Variants in ZC3H15 observed in about 807,000 individuals in gnomAD.
The protein encoded by ZC3H15 is zinc finger CCCH-type containing 15.
Under a neutral mutation model 51.2 loss-of-function variants are expected in ZC3H15, and 15 were observed. The observed-to-expected ratio is 0.29, with a 90% CI of 0.20 to 0.45. The LOEUF is 0.45. Among genes scored for constraint, ZC3H15 ranks in the 20% least tolerant of loss-of-function variants. The pLI, the probability that ZC3H15 is intolerant of heterozygous loss-of-function variation, is 1.00. For synonymous variants in ZC3H15, 144 were observed against 162.8 expected, an observed-to-expected ratio of 0.88 and a Z score of 0.88; for missense variants, 381 against 494.7, an observed-to-expected ratio of 0.77 and a Z score of 2.18.
intron 1 of ZC3H15, chr2:186,488,645 G>C (rs1685145245): frequency 6.6e-6 from 1 of 152,242 alleles, no homozygotes; most frequent in African/African-American, 2.4e-5. Context: ...TTCCAAAATG[G>C]GTTAGAGGCG....
At chr2:186,508,004 TTC>T (rs1491503297) in intron 9 of ZC3H15, among the ~76,000 whole-genome samples, 2 of 152,238 alleles carry the variant, frequency 1.3e-5, no homozygotes, top group Non-Finnish European at 1.5e-5. Flanking sequence ...AGCATTTTTT[TTC>T]TCTCAGTTAT....
chr2:186,495,878 T>TA (rs1391996476), intron 2 of ZC3H15, among the ~76,000 whole-genome samples: 1 of 152,260 alleles, frequency 6.6e-6, no homozygotes, highest in Non-Finnish European at 1.5e-5. Flanking sequence ...ATCTTATTGT[T>TA]ACATTGTTTC....
Position 186,504,134 on chromosome 2 carries a change from C to T in ZC3H15, c.637C>T (p.Pro213Ser). The T allele has an allele frequency of 6.2e-7, 1 of 1,609,884 alleles. No homozygotes were observed. Among genetic ancestry groups the T allele is most frequent in the South Asian group, 1.1e-5 (1 of 90,336 alleles). The change falls in exon 6 of 10, where the codon CCT (proline) becomes TCT (serine). Residue 213 changes from proline to serine, a missense_variant. By Grantham distance (74) the Pro-to-Ser change is moderately conservative. This residue lies in a region of ZC3H15 where 41 missense variants were observed against 86.5 expected (regional missense o/e 0.47). Coordinates refer to ENST00000337859, the MANE Select transcript of ZC3H15 (RefSeq NM_018471.3). ...TTGCATGTATCGTCATGCACTTCCT[C>T]CTGGATTTGTGTTGAAAAAAGATAA... ...DICMYRHALP[P>S]GFVLKKDKKK...
chr2:186,502,708 A>G, intron 5 of ZC3H15, 121 bp downstream of exon 5: 1 of 798,648 alleles, frequency 1.3e-6, no homozygotes, highest in Non-Finnish European at 1.9e-6. Context: ...ATTTGATTTC[A>G]TCAAGATAAG....
chr2:186,497,438 C>T (rs939998443), intron 2 of ZC3H15, among the ~76,000 whole-genome samples: 1 of 152,126 alleles, frequency 6.6e-6, no homozygotes, highest in East Asian at 1.9e-4. Context: ...AATCCCAGCA[C>T]TTTGGGAGGC....
At position 186,500,192 on chromosome 2, in the gene ZC3H15, G is replaced by A; in HGVS notation, c.188G>A (p.Ser63Asn). 3 of 1,612,918 alleles carry A rather than the reference G, an allele frequency of 1.9e-6. No individual in the cohort carries two copies. The highest frequency in any genetic ancestry group is 1.7e-6 in the Non-Finnish European group (2 of 1,179,620). The change falls in exon 3 of 10, where the codon AGT becomes AAT. Residue 63 changes from serine to asparagine, a missense_variant. This residue lies in a region of ZC3H15 where 125 missense variants were observed against 166.3 expected (regional missense o/e 0.75). Coordinates refer to ENST00000337859, the MANE Select transcript of ZC3H15 (RefSeq NM_018471.3). The part of the protein sequence containing the change: ...GQQNPRQVAQ[S>N]EAEKKLKKDD... ...CTGGGAATATTATAGGTAGCACAGA[G>A]TGAAGCTGAAAAGAAATTGAAGAAG...
At chr2:186,499,550 T>C in intron 2 of ZC3H15, 1 of 455,842 alleles carries the variant, frequency 2.2e-6, no homozygotes, top group South Asian at 1.6e-5. Flanking sequence ...TCTGTCATCC[T>C]GCTAGATTCT....
chr2:186,501,954 C>T (rs1301354036), intron 4 of ZC3H15, among the ~76,000 whole-genome samples: 2 of 152,064 alleles, frequency 1.3e-5, no homozygotes, highest in African/African-American at 4.8e-5. Context: ...TCGTGATCTG[C>T]CCACGCTGGC....
chr2:186,488,067 A>G (rs1685133985), intron 1 of ZC3H15, among the ~76,000 whole-genome samples: 1 of 152,176 alleles, frequency 6.6e-6, no homozygotes, highest in African/African-American at 2.4e-5. Flanking sequence ...AAAATGCAAA[A>G]TAAGACAACT....
At chr2:186,486,573 C>G in intron 1 of ZC3H15, 116 bp downstream of exon 1, 1 of 1,078,886 alleles carries the variant, frequency 9.3e-7, no homozygotes, top group Non-Finnish European at 1.3e-6. Flanking sequence ...CTCCCTTAGG[C>G]CTGTGTGGCC....
At position 186,493,237 on chromosome 2, in the gene ZC3H15, C is replaced by G. The variant is rs139256036; in HGVS notation, c.76-1996C>G. 2.6e-3 allele frequency among the ~76,000 whole-genome samples: 396 copies of G among 152,134 alleles called. 1 individual carries two copies. Among genetic ancestry groups the G allele is most frequent in the African/African-American group, 9.0e-3 (372 of 41,504 alleles). On this transcript the variant is annotated intron_variant, in intron 1 of 9. Coordinates refer to ENST00000337859, the MANE Select transcript of ZC3H15 (RefSeq NM_018471.3). ...TAATTCTTATCTACTACAGCTCAGC[C>G]AGGTGACTACCTCTGCAAGAAACAG...
In ZC3H15 at chr2:186,504,187, T is replaced by C. The variant is rs755781455; in HGVS notation, c.690T>C (p.Ile230=). ...DKKKEEKEDE[I]SLEDLIERER... Reference sequence around the variant, plus strand: ...AGAAAGAAGAGAAAGAAGATGAAATTTCATTAGAAGATCTAATTGAGAGAG... The same window carrying C: ...AGAAAGAAGAGAAAGAAGATGAAATCTCATTAGAAGATCTAATTGAGAGAG... The change falls in exon 6 of 10, where the codon ATT becomes ATC. Residue 230 remains isoleucine (I), a synonymous_variant. Transcript: ENST00000337859. 6.2e-7 allele frequency: 1 copy of C among 1,600,366 alleles called. No individual in the cohort carries two copies. Among genetic ancestry groups the C allele is most frequent in the Admixed American group, 1.7e-5 (1 of 58,248 alleles).
intron 2 of ZC3H15, among the ~76,000 whole-genome samples, chr2:186,495,958 T>C (rs563298643): frequency 1.3e-5 from 2 of 152,356 alleles, no homozygotes; most frequent in Admixed American, 1.3e-4. Context: ...GACTTCCCTA[T>C]TGAAATTATT....
chr2:186,494,423 T>C (rs930801773), intron 1 of ZC3H15, among the ~76,000 whole-genome samples: 1 of 152,180 alleles, frequency 6.6e-6, no homozygotes, highest in Admixed American at 6.5e-5. Context: ...GTCCCAAAAA[T>C]GTGTTCAGTA....
At chr2:186,489,480 T>A (rs1377395040) in intron 1 of ZC3H15, among the ~76,000 whole-genome samples, 1 of 152,214 alleles carries the variant, frequency 6.6e-6, no homozygotes, top group Non-Finnish European at 1.5e-5. Flanking sequence ...TTTTTTATAG[T>A]CTATTTTGAC....
At chr2:186,498,748 T>G (rs997135903) in intron 2 of ZC3H15, among the ~76,000 whole-genome samples, 1 of 152,210 alleles carries the variant, frequency 6.6e-6, no homozygotes, top group Admixed American at 6.5e-5. Flanking sequence ...TAGGTTCTTT[T>G]GTCCCATTTT....
intron 9 of ZC3H15, chr2:186,507,543 T>G: frequency 2.2e-6 from 1 of 452,646 alleles, no homozygotes; most frequent in Non-Finnish European, 4.4e-6. Flanking sequence ...AATAATGAGT[T>G]AGGTATGAGA....
chr2:186,507,462 G>A (rs1253828479), intron 9 of ZC3H15: 1 of 456,674 alleles, frequency 2.2e-6, no homozygotes, highest in South Asian at 1.5e-5. Flanking sequence ...GTAGCTCAGA[G>A]GAAGAGGATC....
At chr2:186,487,473 G>C (rs1306582745) in intron 1 of ZC3H15, 3 of 152,202 alleles carry the variant, frequency 2.0e-5, no homozygotes, top group Non-Finnish European at 4.4e-5. Context: ...AAGGTGTAAA[G>C]TCTGCTCATT....
Sources: gnomAD v4.1 joint callset for allele counts (sites outside exome capture counted in the v4.1 genomes callset) on GRCh38, gnomAD v4.1.1 for gene constraint, gnomAD v4.1.1 regional missense constraint, MANE v1.5 for transcripts, NCBI Gene and HGNC (gene_info 2026-07-23, HGNC 2026-07-21) for gene names.